VWA8: variants seen among roughly 807,000 people sequenced by gnomAD.
VWA8 encodes von Willebrand factor A domain containing 8, also known as von Willebrand factor A domain-containing protein 8.
A neutral mutation model predicts 241.5 loss-of-function variants in VWA8; 221 were observed. The ratio of observed to expected loss-of-function variants is 0.91; its 90% CI spans 0.82 to 1.02. VWA8 has a LOEUF of 1.02. Ranked by LOEUF, VWA8 falls within the 50% of genes least tolerant of loss-of-function variation. VWA8 has a pLI of 0.00. For missense variants in VWA8, 2,322 were observed against 2,328.7 expected, an observed-to-expected ratio of 1.00 and a Z score of 0.06; for synonymous variants, 852 against 827.1, an observed-to-expected ratio of 1.03 and a Z score of -0.52.
chr13:41,926,992 C>T (rs1024623933), intron 2 of VWA8: 1 of 462,236 alleles, frequency 2.2e-6, no homozygotes, highest in South Asian at 1.8e-5. Flanking sequence ...ATAATGAGCG[C>T]TATGGCAAAT....
At chr13:41,581,095 AGTT>A (rs1566375420) in intron 42 of VWA8, among the ~76,000 whole-genome samples, 1 of 117,876 alleles carries the variant, frequency 8.5e-6, no homozygotes, top group Non-Finnish European at 1.6e-5. Context: ...CGCCCCCTGG[AGTT>A]CACGCCATTC....
intron 42 of VWA8, among the ~76,000 whole-genome samples, chr13:41,581,580 A>G (rs921938326): frequency 6.6e-6 from 1 of 152,160 alleles, no homozygotes; most frequent in African/African-American, 2.4e-5. Context: ...AGTGCTGCCT[A>G]CTCACTGCCC....
chr13:41,676,445 T>C (rs1250435441), intron 35 of VWA8, among the ~76,000 whole-genome samples: 2 of 152,170 alleles, frequency 1.3e-5, no homozygotes, highest in African/African-American at 4.8e-5. Context: ...CCGCCAAACA[T>C]ACTGATATGC....
intron 16 of VWA8, among the ~76,000 whole-genome samples, chr13:41,814,356 G>T (rs1870597856): frequency 6.6e-6 from 1 of 152,164 alleles, no homozygotes; most frequent in Non-Finnish European, 1.5e-5. Context: ...GCTGCCTAAG[G>T]GGGCTGAGAG....
chr13:41,752,191 G>A (rs559192787), intron 21 of VWA8, among the ~76,000 whole-genome samples: 15 of 152,108 alleles, frequency 9.9e-5, no homozygotes, highest in Non-Finnish European at 1.9e-4. Flanking sequence ...TGTTTTCTGT[G>A]ATTCAAGTCC....
intron 20 of VWA8, among the ~76,000 whole-genome samples, chr13:41,773,671 A>C (rs79442602): frequency 6.2e-4 from 95 of 152,348 alleles, no homozygotes; most frequent in African/African-American, 2.2e-3. Context: ...TTATGAAAAC[A>C]CATTAGAAAG....
intron 31 of VWA8, among the ~76,000 whole-genome samples, 196 bp downstream of exon 31, chr13:41,691,678 C>T (rs181900225): frequency 5.9e-5 from 9 of 152,154 alleles, no homozygotes; most frequent in African/African-American, 2.2e-4. Flanking sequence ...TTAGTAGTGG[C>T]TATGTCATGG....
chr13:41,830,106 A>G (rs4941409), intron 14 of VWA8, among the ~76,000 whole-genome samples: 109,487 of 151,186 alleles, frequency 0.72, 40,651 homozygotes, highest in East Asian at 0.88. Context: ...AGCTGGGTGT[A>G]GTGGCGGGCG....
At chr13:41,746,467 C>A (rs1397401702) in intron 21 of VWA8, among the ~76,000 whole-genome samples, 2 of 152,140 alleles carry the variant, frequency 1.3e-5, no homozygotes, top group African/African-American at 4.8e-5. Context: ...CCATAACCCA[C>A]AAATTAGATG....
At chr13:41,932,354 G>C (rs1214726909) in intron 2 of VWA8, among the ~76,000 whole-genome samples, 1 of 151,952 alleles carries the variant, frequency 6.6e-6, no homozygotes, top group Non-Finnish European at 1.5e-5. Context: ...GGCCAAGATG[G>C]CTTCACTGAT....
In VWA8 at chr13:41,830,745, T is replaced by C. The variant is rs1259856205; in HGVS notation, c.1587-103A>G. On this transcript the variant is annotated intron_variant, in intron 13 of 44. Transcript: ENST00000379310. ...GCCAACAGTCTATTATTGCTGGCAATTGAGTCTAATAATTTTGTTAGATGG... is the reference window on the plus strand; with the variant it reads ...GCCAACAGTCTATTATTGCTGGCAACTGAGTCTAATAATTTTGTTAGATGG... 3 of 937,188 alleles carry C rather than the reference T, an allele frequency of 3.2e-6. No homozygotes were observed. In the East Asian group the frequency reaches 8.0e-5, roughly 25 times the overall value. The allele number at this position is 937,188 out of a possible 1,614,324, so 58.1% of individuals were successfully genotyped here.
intron 18 of VWA8, among the ~76,000 whole-genome samples, chr13:41,786,923 A>G (rs889424559): frequency 3.9e-5 from 6 of 152,074 alleles, no homozygotes; most frequent in African/African-American, 1.2e-4. Context: ...ATGGCTATCC[A>G]GAAGAAAAGT....
intron 2 of VWA8, among the ~76,000 whole-genome samples, chr13:41,922,069 A>AC (rs1475572711): frequency 6.6e-6 from 1 of 152,132 alleles, no homozygotes; most frequent in South Asian, 2.1e-4. Context: ...ACAGCATGGT[A>AC]TGGTACCAAA....
At chr13:41,577,592 C>T (rs79236416) in intron 42 of VWA8, among the ~76,000 whole-genome samples, 3,296 of 152,212 alleles carry the variant, frequency 0.022, 83 homozygotes, top group East Asian at 0.1. Context: ...AGGGAGGCCC[C>T]GACTGATTTG....
In VWA8 at chr13:41,786,785, A is replaced by G. The variant is rs573324721; in HGVS notation, c.2170+652T>C. Among the ~76,000 whole-genome samples the G allele has an allele frequency of 2.4e-4, 36 of 152,260 alleles. 2 individuals carry two copies. The highest frequency in any genetic ancestry group is 8.4e-4 in the African/African-American group (35 of 41,560). On this transcript the variant is annotated intron_variant, in intron 18 of 44. Coordinates refer to ENST00000379310, the MANE Select transcript of VWA8 (RefSeq NM_015058.2). The stretch of plus-strand genomic sequence containing the variant: ...AGTCCCTTTTAAAGAGTAGTCACAC[A>G]TTGGCTGCTTCAATAAAATAGGTAT...
intron 39 of VWA8, among the ~76,000 whole-genome samples, chr13:41,609,855 CA>C (rs2044576086): frequency 6.6e-6 from 1 of 152,172 alleles, no homozygotes; most frequent in Admixed American, 6.6e-5. Flanking sequence ...ACATTTTCCT[CA>C]TCCCTTCCCC....
At chr13:41,940,906 G>A (rs931428751) in intron 2 of VWA8, among the ~76,000 whole-genome samples, 1 of 152,142 alleles carries the variant, frequency 6.6e-6, no homozygotes, top group African/African-American at 2.4e-5. Context: ...AATGATGAAT[G>A]AATAGCAAGA....
At chr13:41,897,695 G>A (rs1251231667) in intron 4 of VWA8, among the ~76,000 whole-genome samples, 1 of 152,068 alleles carries the variant, frequency 6.6e-6, no homozygotes, top group East Asian at 1.9e-4. Context: ...GTGGGCTCGT[G>A]GTCTCGCTGG....
intron 37 of VWA8, among the ~76,000 whole-genome samples, chr13:41,618,593 T>C (rs1416559041): frequency 1.3e-5 from 2 of 152,182 alleles, no homozygotes; most frequent in African/African-American, 2.4e-5. Flanking sequence ...TCTTCTAGGG[T>C]TTTTATGGTT....
Sources: allele counts gnomAD v4.1 joint callset (sites outside exome capture counted in the v4.1 genomes callset), GRCh38; gene constraint gnomAD v4.1.1; transcripts MANE v1.5; gene names NCBI Gene and HGNC (gene_info 2026-07-23, HGNC 2026-07-21).